The following COL5A2 variants were observed in gnomAD, a reference collection of about 807,000 sequenced individuals.
The protein encoded by COL5A2 is collagen type V alpha 2 chain.
Under a neutral mutation model 208.2 loss-of-function variants are expected in COL5A2, and 23 were observed. The observed-to-expected ratio is 0.11, with a 90% CI of 0.08 to 0.16. COL5A2 has a LOEUF of 0.16. COL5A2 is among the 10% of genes least tolerant of loss of function. The probability of loss-of-function intolerance (pLI) is 1.00; values close to 1 mark genes in which losing one functional copy is unlikely to be tolerated. For missense variants in COL5A2, 1,590 were observed against 1,956.4 expected, an observed-to-expected ratio of 0.81 and a Z score of 3.53; for synonymous variants, 625 against 628.5, an observed-to-expected ratio of 0.99 and a Z score of 0.08.
intron 1 of COL5A2, among the ~76,000 whole-genome samples, chr2:189,138,155 T>A (rs1047065148): frequency 8.5e-5 from 13 of 152,126 alleles, no homozygotes; most frequent in African/African-American, 3.1e-4. Flanking sequence ...TTGTATTTTT[T>A]AGTAGAGACA....
the COL5A2 span, among the ~76,000 whole-genome samples, chr2:189,398,471 A>C: frequency 9.2e-5 from 14 of 152,120 alleles, no homozygotes; most frequent in Admixed American, 8.5e-4. Context: ...TATGGAAATT[A>C]TTATATCTTC....
At chr2:189,248,871 TCTACATCATTAATATA>T in the COL5A2 span, among the ~76,000 whole-genome samples, 1 of 152,172 alleles carries the variant, frequency 6.6e-6, no homozygotes, top group Non-Finnish European at 1.5e-5. Flanking sequence ...AACGTATGTT[TCTACATCATTAATATA>T]ATTTTAAAGT....
At chr2:189,190,393 A>G (rs1688908611) in intron 1 of COL5A2, among the ~76,000 whole-genome samples, 1 of 152,202 alleles carries the variant, frequency 6.6e-6, no homozygotes. Context: ...GAATGAAAGG[A>G]ATCTTGAAAA....
At chr2:189,355,872 C>T in the COL5A2 span, among the ~76,000 whole-genome samples, 1 of 152,112 alleles carries the variant, frequency 6.6e-6, no homozygotes, top group Non-Finnish European at 1.5e-5. Context: ...TTCATAGTGT[C>T]GATGGTCTTT....
the COL5A2 span, among the ~76,000 whole-genome samples, chr2:189,394,235 G>A: frequency 6.6e-6 from 1 of 151,854 alleles, no homozygotes; most frequent in Admixed American, 6.6e-5. Flanking sequence ...AATATGAATT[G>A]AAGAGTATAA....
chr2:189,158,390 A>G (rs1688296220), intron 1 of COL5A2, among the ~76,000 whole-genome samples: 1 of 152,076 alleles, frequency 6.6e-6, no homozygotes, highest in Non-Finnish European at 1.5e-5. Flanking sequence ...CCAATAGACC[A>G]TAGCCATCAT....
chr2:189,437,815 C>T, the COL5A2 span, among the ~76,000 whole-genome samples: 24 of 152,018 alleles, frequency 1.6e-4, no homozygotes, highest in African/African-American at 5.8e-4. Context: ...AATACAAAAT[C>T]GATGTAATCT....
chr2:189,378,242 C>T, the COL5A2 span, among the ~76,000 whole-genome samples: 1 of 151,832 alleles, frequency 6.6e-6, no homozygotes, highest in South Asian at 2.1e-4. Context: ...GTTTAGACAA[C>T]AACAAAAACG....
the COL5A2 span, among the ~76,000 whole-genome samples, chr2:189,325,829 G>A: frequency 6.6e-6 from 1 of 152,140 alleles, no homozygotes; most frequent in African/African-American, 2.4e-5. Context: ...AGGCGCAGTG[G>A]CTCACACCTG....
chr2:189,132,659 G>A (rs1213297353), intron 1 of COL5A2, among the ~76,000 whole-genome samples: 4 of 152,070 alleles, frequency 2.6e-5, no homozygotes, highest in African/African-American at 7.2e-5. Flanking sequence ...AGTAGCTTAC[G>A]CCTGTAATCC....
At chr2:189,289,622 T>C in the COL5A2 span, among the ~76,000 whole-genome samples, 39 of 152,312 alleles carry the variant, frequency 2.6e-4, no homozygotes, top group African/African-American at 8.2e-4. Context: ...CATGATCTTA[T>C]ATATTTTTTA....
the COL5A2 span, among the ~76,000 whole-genome samples, chr2:189,293,078 G>A: frequency 4.6e-5 from 7 of 151,844 alleles, no homozygotes; most frequent in East Asian, 1.4e-3. Context: ...CACAGGAAGG[G>A]GAACATCACA....
At chr2:189,066,881 GC>G in intron 21 of COL5A2, 99 bp from the exon 22 acceptor site, 1 of 939,464 alleles carries the variant, frequency 1.1e-6, no homozygotes. Flanking sequence ...ATTCTCTCCA[GC>G]TGAGTCGGTT....
At chr2:189,062,272 C>T (rs1381030453) in intron 29 of COL5A2, among the ~76,000 whole-genome samples, 2 of 151,386 alleles carry the variant, frequency 1.3e-5, no homozygotes, top group Non-Finnish European at 2.9e-5. Context: ...CAACCTCCGC[C>T]TCCCGGGTTC....
At chr2:189,053,678 C>T (rs1055472867) in intron 37 of COL5A2, among the ~76,000 whole-genome samples, 1 of 152,032 alleles carries the variant, frequency 6.6e-6, no homozygotes, top group Non-Finnish European at 1.5e-5. Flanking sequence ...CTCAAAGGAG[C>T]CTCCAAATTA....
At chr2:189,328,325 C>T in the COL5A2 span, among the ~76,000 whole-genome samples, 1 of 151,950 alleles carries the variant, frequency 6.6e-6, no homozygotes, top group African/African-American at 2.4e-5. Context: ...AGTTACAAGT[C>T]CAAAGTTAAA....
intron 3 of COL5A2, among the ~76,000 whole-genome samples, chr2:189,103,694 T>C (rs1687094548): frequency 6.6e-6 from 1 of 152,060 alleles, no homozygotes. Context: ...AGTGTAAAGC[T>C]TGTGTCCAGA....
rs146404646 is a variant in COL5A2, at chr2:189,133,403, G to A, written c.98-22954C>T. 3.3e-5 allele frequency among the ~76,000 whole-genome samples: 5 copies of A among 152,018 alleles called. No homozygotes were observed. The South Asian group carries it at 8.3e-4, about 25-fold the overall frequency. On this transcript the variant is annotated intron_variant, in intron 1 of 53. Transcript: ENST00000374866. ...CAACAAGTGCTGGGATTACAAGCGT[G>A]AGCCACCACACCCAGCCTATTCAAC...
In COL5A2 at chr2:189,068,024, T is replaced by C; in HGVS notation, c.1392A>G (p.Arg464=). ...PQGSTGPQGI[R]GQPGDPGVPG... is the part of the protein sequence containing the mutation. ...TTTCAAAGGTCATTACCGGTTGGCC[T>C]CGAATTCCCTGAGGACCAGTGCTAC... Residue 464 remains arginine, a synonymous_variant, in exon 21 of 54, where the codon CGA becomes CGG. Coordinates refer to ENST00000374866, the MANE Select transcript of COL5A2 (RefSeq NM_000393.5). The C allele has an allele frequency of 6.2e-7, 1 of 1,613,900 alleles. No homozygotes were observed. The highest frequency in any genetic ancestry group is 2.2e-5 in the East Asian group (1 of 44,870).
Sources: gnomAD v4.1 joint callset for allele counts (sites outside exome capture counted in the v4.1 genomes callset) on GRCh38, gnomAD v4.1.1 for gene constraint, MANE v1.5 for transcripts, NCBI Gene and HGNC (gene_info 2026-07-23, HGNC 2026-07-21) for gene names.